The following TNFRSF10D variants were observed in gnomAD, a reference collection of about 807,000 sequenced individuals.
TNFRSF10D encodes the protein tumor necrosis factor receptor superfamily member 10D.
A neutral mutation model predicts 42.1 loss-of-function variants in TNFRSF10D; 28 were observed. The ratio of observed to expected loss-of-function variants is 0.66; its 90% confidence interval spans 0.49 to 0.91. The LOEUF is 0.91. Ranked by LOEUF, TNFRSF10D falls within the 40% of genes least tolerant of loss-of-function variation. The pLI is 0.00. For missense variants in TNFRSF10D, 503 were observed against 486.1 expected, an observed-to-expected ratio of 1.03 and a Z score of -0.33; for synonymous variants, 186 against 189.4, an observed-to-expected ratio of 0.98 and a Z score of 0.15.
At chr8:23,150,836 A>C (rs1424570606) in intron 2 of TNFRSF10D, among the ~76,000 whole-genome samples, 1 of 152,162 alleles carries the variant, frequency 6.6e-6, no homozygotes, top group East Asian at 1.9e-4. Context: ...TTGAAAACAG[A>C]TCATTTGAAA....
At chr8:23,151,262 G>A (rs1317022863) in intron 2 of TNFRSF10D, among the ~76,000 whole-genome samples, 3 of 151,722 alleles carry the variant, frequency 2.0e-5, no homozygotes, top group African/African-American at 7.3e-5. Flanking sequence ...AGTACAGAAA[G>A]GAAAAATTCC....
intron 7 of TNFRSF10D, 130 bp from the exon 8 acceptor site, chr8:23,138,390 C>G: frequency 1.1e-6 from 1 of 873,222 alleles, no homozygotes; most frequent in Non-Finnish European, 1.8e-6. Flanking sequence ...TGGAGACAAA[C>G]CTCTGGTCCT....
chr8:23,152,781 T>C (rs1340956824), intron 2 of TNFRSF10D, among the ~76,000 whole-genome samples: 929 of 152,252 alleles, frequency 6.1e-3, no homozygotes, highest in African/African-American at 0.019. Flanking sequence ...ATTGCTTAAT[T>C]GTTCATATGA....
At chr8:23,152,618 G>T (rs771420142) in intron 2 of TNFRSF10D, among the ~76,000 whole-genome samples, 36 of 152,162 alleles carry the variant, frequency 2.4e-4, no homozygotes, top group Non-Finnish European at 4.4e-4. Context: ...AACTTACATT[G>T]GGCCTAAAAA....
chr8:23,135,808 G>T lies in TNFRSF10D; in HGVS notation c.*2062C>A, dbSNP rs967597969. On this transcript the variant is annotated 3_prime_UTR_variant, in exon 9 of 9. Coordinates refer to ENST00000312584, the MANE Select transcript of TNFRSF10D (RefSeq NM_003840.5). ...TAGTCTAGATGCATCTTCAAGGAAG[G>T]CCTCTGAGGAAGGGACAAAGGAGCT... is the stretch of plus-strand genomic sequence containing the variant. 2 of 436,794 alleles carry T rather than the reference G, an allele frequency of 4.6e-6. No homozygotes were observed. Among genetic ancestry groups the T allele is most frequent in the Non-Finnish European group, 9.2e-6 (2 of 218,564 alleles). 27.1% of individuals were successfully genotyped at this position (436,794 alleles called of 1,614,324 possible). A position where few individuals can be genotyped will look rare whatever the true frequency, so the allele number is the denominator to read the frequency against.
chr8:23,153,415 T>C (rs1032125572), intron 2 of TNFRSF10D, among the ~76,000 whole-genome samples: 2 of 152,050 alleles, frequency 1.3e-5, no homozygotes, highest in African/African-American at 4.8e-5. Context: ...AAGGAAACAA[T>C]GAACAGAGTG....
chr8:23,161,207 G>A (rs1432081621), intron 1 of TNFRSF10D, among the ~76,000 whole-genome samples: 1 of 152,250 alleles, frequency 6.6e-6, no homozygotes, highest in African/African-American at 2.4e-5. Flanking sequence ...TTTACAGGCA[G>A]GAGCTGGGGC....
chr8:23,156,120 A>T lies in TNFRSF10D; in HGVS notation c.151-1141T>A, dbSNP rs190696060. On this transcript the variant is annotated intron_variant, in intron 1 of 8. Transcript: ENST00000312584. ...AGATAGTGGTAATGTGTTGATGTTA[A>T]TTTCCTTGTTTGTAGAAAGTACACA... Among the ~76,000 whole-genome samples, 346 of 152,298 alleles carry T rather than the reference A, an allele frequency of 2.3e-3. 3 individuals carry two copies. Among genetic ancestry groups the T allele is most frequent in the African/African-American group, 7.9e-3 (327 of 41,560 alleles).
intron 1 of TNFRSF10D, 37 bp downstream of exon 1, chr8:23,163,749 C>A (rs1688585586): frequency 6.3e-7 from 1 of 1,598,614 alleles, no homozygotes; most frequent in Non-Finnish European, 8.5e-7. Context: ...GCGCCAGGTG[C>A]GCTCTTCCCC....
intron 1 of TNFRSF10D, among the ~76,000 whole-genome samples, chr8:23,157,343 A>G (rs575070547): frequency 1.3e-5 from 2 of 152,304 alleles, no homozygotes; most frequent in Admixed American, 1.3e-4. Flanking sequence ...TCTCTGAACC[A>G]CAGATTTTTT....
intron 7 of TNFRSF10D, among the ~76,000 whole-genome samples, chr8:23,143,070 G>A (rs890465806): frequency 2.6e-5 from 4 of 151,560 alleles, no homozygotes; most frequent in East Asian, 1.9e-4. Flanking sequence ...TCCGCCTCAC[G>A]GGTTCACGCC....
At chr8:23,154,684 A>C (rs1250422100) in intron 2 of TNFRSF10D, among the ~76,000 whole-genome samples, 190 bp downstream of exon 2, 1 of 152,178 alleles carries the variant, frequency 6.6e-6, no homozygotes, top group South Asian at 2.1e-4. Context: ...CTCTGTATCC[A>C]TACAGCTGAA....
chr8:23,144,668 A>T (rs775240094), intron 6 of TNFRSF10D, 33 bp from the exon 7 acceptor site: 3 of 1,597,498 alleles, frequency 1.9e-6, no homozygotes. Flanking sequence ...TCAAGTCCAC[A>T]CCCCGGGCTC....
At chr8:23,140,375 GACACACACACACACACACACACACACAC>G (rs71546853) in intron 7 of TNFRSF10D, among the ~76,000 whole-genome samples, 41 of 145,368 alleles carry the variant, frequency 2.8e-4, no homozygotes, top group Admixed American at 2.7e-3. Context: ...ATTTACAACA[GACACACACACACACACACACACACACAC>G]ACACACACAC....
At chr8:23,142,399 T>C (rs961979681) in intron 7 of TNFRSF10D, among the ~76,000 whole-genome samples, 1 of 152,202 alleles carries the variant, frequency 6.6e-6, no homozygotes, top group South Asian at 2.1e-4. Context: ...ATATACACCA[T>C]AGGTTACCAC....
intron 1 of TNFRSF10D, among the ~76,000 whole-genome samples, chr8:23,160,398 G>A (rs1012886349): frequency 6.6e-6 from 1 of 152,172 alleles, no homozygotes; most frequent in African/African-American, 2.4e-5. Flanking sequence ...GGAGCTCCCA[G>A]AGGCCAAGTG....
chr8:23,154,776 T>C (rs1800251597), intron 2 of TNFRSF10D, 98 bp downstream of exon 2: 4 of 1,276,524 alleles, frequency 3.1e-6, no homozygotes, highest in Middle Eastern at 2.4e-4. Flanking sequence ...CATTTCACAA[T>C]GCGTGCATAT....
intron 1 of TNFRSF10D, among the ~76,000 whole-genome samples, chr8:23,158,369 C>T (rs536667191): frequency 2.6e-5 from 4 of 152,312 alleles, no homozygotes; most frequent in East Asian, 1.9e-4. Context: ...ACTGAGATAG[C>T]CACGGCAGTT....
chr8:23,162,373 C>G (rs114911370), intron 1 of TNFRSF10D, among the ~76,000 whole-genome samples: 678 of 151,756 alleles, frequency 4.5e-3, no homozygotes, highest in African/African-American at 0.014. Flanking sequence ...GGTCCACCCA[C>G]TATAAACTAT....
Sources: gnomAD v4.1 joint callset for allele counts (sites outside exome capture counted in the v4.1 genomes callset) on GRCh38, gnomAD v4.1.1 for gene constraint, MANE v1.5 for transcripts, NCBI Gene and HGNC (gene_info 2026-07-23, HGNC 2026-07-21) for gene names.